The following PALM2AKAP2 variants were observed in gnomAD, a reference collection of about 807,000 sequenced individuals.
PALM2AKAP2 encodes PALM2-AKAP2 fusion protein.
A neutral mutation model predicts 71.5 loss-of-function variants in PALM2AKAP2; 37 were observed. That is an observed-to-expected ratio of 0.52 (90% CI 0.40 to 0.68). The LOEUF (loss-of-function observed/expected upper bound fraction) is 0.68. PALM2AKAP2 is among the 30% of genes least tolerant of loss of function. The pLI, the probability that PALM2AKAP2 is intolerant of heterozygous loss-of-function variation, is 0.00. For synonymous variants in PALM2AKAP2, 468 were observed against 478.8 expected (o/e 0.98, Z 0.29); for missense variants, 1,224 against 1,191.8 (o/e 1.03, Z -0.40).
intron 1 of PALM2AKAP2, among the ~76,000 whole-genome samples, chr9:109,816,183 C>G (rs1827846763): frequency 6.6e-6 from 1 of 152,096 alleles, no homozygotes; most frequent in Admixed American, 6.6e-5. Flanking sequence ...CTCCAGGGCA[C>G]CTTATGTAGG....
At chr9:109,789,024 A>T (rs1827038302) in intron 1 of PALM2AKAP2, among the ~76,000 whole-genome samples, 1 of 152,170 alleles carries the variant, frequency 6.6e-6, no homozygotes, top group African/African-American at 2.4e-5. Flanking sequence ...AAATAAAGTG[A>T]GATATCTGTT....
intron 7 of PALM2AKAP2, among the ~76,000 whole-genome samples, chr9:110,017,761 C>T (rs992342367): frequency 1.4e-5 from 2 of 147,830 alleles, no homozygotes; most frequent in Admixed American, 6.8e-5. Flanking sequence ...CGGAGTCTTG[C>T]TGTGTCGCCA....
chr9:109,880,723 C>T (rs1263901915), intron 3 of PALM2AKAP2, 42 bp downstream of exon 3: 1 of 1,608,194 alleles, frequency 6.2e-7, no homozygotes, highest in Non-Finnish European at 8.5e-7. Context: ...TACAGTTTTT[C>T]AGTGCAGTAA....
chr9:109,842,003 A>T (rs1030697331), intron 1 of PALM2AKAP2, among the ~76,000 whole-genome samples: 3 of 151,286 alleles, frequency 2.0e-5, no homozygotes, highest in Non-Finnish European at 4.4e-5. Flanking sequence ...GGGAGGTGGG[A>T]AAAAAAGAGG....
chr9:109,795,444 T>C (rs948682702), intron 1 of PALM2AKAP2, among the ~76,000 whole-genome samples: 1 of 152,204 alleles, frequency 6.6e-6, no homozygotes, highest in African/African-American at 2.4e-5. Context: ...AACCTGCACG[T>C]TGTGCACGTG....
chr9:110,127,317 A>C (rs901214325), intron 1 of PALM2AKAP2, among the ~76,000 whole-genome samples: 1 of 152,080 alleles, frequency 6.6e-6, no homozygotes, highest in African/African-American at 2.4e-5. Flanking sequence ...GCCGGGTCCA[A>C]ATTTAGCCTG....
At chr9:109,928,400 A>G (rs1042686045) in intron 5 of PALM2AKAP2, among the ~76,000 whole-genome samples, 8 of 152,212 alleles carry the variant, frequency 5.3e-5, no homozygotes, top group Non-Finnish European at 8.8e-5. Flanking sequence ...TTTCTACTCT[A>G]TAAGTTACTG....
In PALM2AKAP2 at chr9:110,020,996, C is replaced by T. The variant is rs958880831; in HGVS notation, c.582+4957C>T. Among the ~76,000 whole-genome samples the T allele has an allele frequency of 1.3e-5, 2 of 152,048 alleles. 1 individual carries two copies. On this transcript the variant is annotated intron_variant, in intron 7 of 9. Coordinates refer to the PALM2AKAP2 transcript ENST00000302798. ...TGGCACACGCCTGTAATCCCAGCTACTCCGGAGGCTGAAGCACGAGAATCA... is the reference window on the plus strand; with the variant it reads ...TGGCACACGCCTGTAATCCCAGCTATTCCGGAGGCTGAAGCACGAGAATCA...
At chr9:109,753,779 C>T (rs567932116) in intron 1 of PALM2AKAP2, among the ~76,000 whole-genome samples, 1 of 152,194 alleles carries the variant, frequency 6.6e-6, no homozygotes, top group African/African-American at 2.4e-5. Context: ...TAAAAGCCAT[C>T]CAAGCATTGG....
chr9:109,720,697 A>G (rs1482535600), intron 1 of PALM2AKAP2, among the ~76,000 whole-genome samples: 1 of 152,252 alleles, frequency 6.6e-6, no homozygotes, highest in Non-Finnish European at 1.5e-5. Flanking sequence ...TGTGAAAAAC[A>G]TAAGACCAAT....
intron 1 of PALM2AKAP2, among the ~76,000 whole-genome samples, chr9:109,687,696 G>A (rs1411807818): frequency 1.3e-5 from 2 of 152,208 alleles, no homozygotes; most frequent in African/African-American, 4.8e-5. Context: ...ATTCACTGGA[G>A]TAGCACTTTT....
intron 1 of PALM2AKAP2, among the ~76,000 whole-genome samples, chr9:109,700,921 T>G (rs1828044933): frequency 6.6e-6 from 1 of 152,088 alleles, no homozygotes; most frequent in Non-Finnish European, 1.5e-5. Context: ...CTGGCAAAAA[T>G]GTACTATGTC....
Position 109,818,689 on chromosome 9 carries a change from G to T in PALM2AKAP2, c.45+38156G>T, listed in dbSNP as rs577745789. Among the ~76,000 whole-genome samples the T allele has an allele frequency of 3.4e-4, 52 of 152,230 alleles. 1 individual carries two copies. The highest frequency in any genetic ancestry group is 5.6e-4 in the Non-Finnish European group (38 of 68,018). ...TGCCCAGGCTGAACTCAAACTCCTG[G>T]GATTAAGGGTTTCTCTTGAGTAGTT... On this transcript the variant is annotated intron_variant, in intron 1 of 9. Coordinates refer to the PALM2AKAP2 transcript ENST00000302798.
At chr9:109,887,495 A>G (rs956558309) in intron 3 of PALM2AKAP2, among the ~76,000 whole-genome samples, 1 of 152,210 alleles carries the variant, frequency 6.6e-6, no homozygotes, top group Non-Finnish European at 1.5e-5. Context: ...ACAGTAAACT[A>G]TATAGTAGTG....
At chr9:110,015,632 A>G (rs1049703444) in intron 6 of PALM2AKAP2, among the ~76,000 whole-genome samples, 2 of 152,044 alleles carry the variant, frequency 1.3e-5, no homozygotes, top group African/African-American at 4.8e-5. Flanking sequence ...AAACAAACAA[A>G]TAAATAAAAA....
chr9:110,013,042 G>A (rs969070920), intron 6 of PALM2AKAP2, among the ~76,000 whole-genome samples: 19 of 152,232 alleles, frequency 1.2e-4, no homozygotes, highest in East Asian at 7.7e-4. Context: ...ATTGGCTTTC[G>A]TTGTCATGCA....
intron 6 of PALM2AKAP2, among the ~76,000 whole-genome samples, chr9:109,984,007 G>C (rs1376801149): frequency 6.6e-6 from 1 of 152,180 alleles, no homozygotes; most frequent in Admixed American, 6.5e-5. Flanking sequence ...TCAGGATCAA[G>C]AGGAGCAAAA....
At chr9:109,831,888 TG>T (rs1422076724) in intron 1 of PALM2AKAP2, among the ~76,000 whole-genome samples, 1 of 152,218 alleles carries the variant, frequency 6.6e-6, no homozygotes, top group Non-Finnish European at 1.5e-5. Context: ...TCATTTTAAG[TG>T]ACTTGAGCTA....
intron 3 of PALM2AKAP2, among the ~76,000 whole-genome samples, chr9:109,903,697 C>T (rs1830379927): frequency 6.6e-6 from 1 of 152,132 alleles, no homozygotes; most frequent in Admixed American, 6.5e-5. Flanking sequence ...CATGTGCTAC[C>T]TCAGTTAGGG....
Sources: allele counts gnomAD v4.1 joint callset (sites outside exome capture counted in the v4.1 genomes callset), GRCh38; gene constraint gnomAD v4.1.1; transcripts MANE v1.5; gene names NCBI Gene and HGNC (gene_info 2026-07-23, HGNC 2026-07-21).